Variants in SGCD observed in about 807,000 individuals in gnomAD.
The protein encoded by SGCD is sarcoglycan delta.
SGCD carries 18 observed loss-of-function variants against 36.6 expected under a neutral mutation model. The observed-to-expected ratio is 0.49, with a 90% CI of 0.34 to 0.73. SGCD has a LOEUF of 0.73. Among genes scored for constraint, SGCD ranks in the 30% least tolerant of loss-of-function variants. The pLI is 0.01. For synonymous variants in SGCD, 133 were observed against 130.6 expected (o/e 1.02, Z -0.12); for missense variants, 387 against 346.7 (o/e 1.12, Z -0.92).
chr5:156,020,423 T>C (rs1169514756), intron 1 of SGCD, among the ~76,000 whole-genome samples: 1 of 152,236 alleles, frequency 6.6e-6, no homozygotes. Context: ...GCCTGCTTCA[T>C]ATTTTTAACA....
At chr5:156,167,720 C>G (rs1173230053) in intron 3 of SGCD, among the ~76,000 whole-genome samples, 1 of 152,150 alleles carries the variant, frequency 6.6e-6, no homozygotes, top group Non-Finnish European at 1.5e-5. Context: ...TAAAAGTTAC[C>G]TGAAGCCTCA....
intron 3 of SGCD, among the ~76,000 whole-genome samples, chr5:156,229,817 T>C (rs1425011424): frequency 6.6e-6 from 1 of 152,158 alleles, no homozygotes; most frequent in Non-Finnish European, 1.5e-5. Flanking sequence ...TTTGGTCGTT[T>C]AACATAATCT....
Position 156,605,934 on chromosome 5 carries a change from T to G in SGCD, c.502+10883T>G, listed in dbSNP as rs186226299. ...AAATTTGTTGGAGTTCATTGCAGAT[T>G]CTGGATATTAGCCCTTTGTCAGATG... On this transcript the variant is annotated intron_variant, in intron 6 of 8. Transcript: ENST00000337851. 4.6e-3 allele frequency among the ~76,000 whole-genome samples: 697 copies of G among 152,352 alleles called. 1 individual carries two copies. The highest frequency in any genetic ancestry group is 0.015 in the African/African-American group (642 of 41,570).
chr5:156,190,583 G>T (rs1763866087), intron 3 of SGCD, among the ~76,000 whole-genome samples: 1 of 152,100 alleles, frequency 6.6e-6, no homozygotes, highest in Non-Finnish European at 1.5e-5. Context: ...AATTCCAGGT[G>T]CTTGGCATAC....
At chr5:156,031,681 A>G (rs144837473) in intron 1 of SGCD, among the ~76,000 whole-genome samples, 4 of 152,222 alleles carry the variant, frequency 2.6e-5, no homozygotes, top group East Asian at 1.9e-4. Context: ...TATCAAGTGT[A>G]TGATGTATGT....
At chr5:156,435,089 T>C (rs2127790731) in intron 3 of SGCD, among the ~76,000 whole-genome samples, 1 of 152,362 alleles carries the variant, frequency 6.6e-6, no homozygotes, top group East Asian at 1.9e-4. Context: ...TAACTCATTT[T>C]ATCCCCAGAG....
chr5:156,032,483 C>G (rs980908995), intron 1 of SGCD, among the ~76,000 whole-genome samples: 2 of 151,182 alleles, frequency 1.3e-5, no homozygotes, highest in African/African-American at 4.9e-5. Flanking sequence ...CTTTGGGAGG[C>G]CAGGGCAGGC....
chr5:155,919,652 A>G lies in SGCD; in HGVS notation c.-282+49228A>G, dbSNP rs1341126668. ...TACCTTCTAAAATAGATCATTCATC[A>G]TGGCAATCCATTCAACATCAAGGAC... is the stretch of plus-strand genomic sequence containing the variant. On this transcript the variant is annotated intron_variant, in intron 1 of 9. Coordinates refer to the SGCD transcript ENST00000517913. 5.3e-5 allele frequency among the ~76,000 whole-genome samples: 8 copies of G among 152,326 alleles called. No individual in the cohort carries two copies. In the East Asian group the frequency reaches 1.5e-3, roughly 29 times the overall value.
intron 1 of SGCD, among the ~76,000 whole-genome samples, chr5:155,996,868 GATA>G (rs757034277): frequency 0.038 from 4,058 of 107,732 alleles, 88 homozygotes; most frequent in South Asian, 0.062. Context: ...TGGATGGATA[GATA>G]GATAGATAGA....
At chr5:156,385,983 A>C (rs1771255412) in intron 3 of SGCD, among the ~76,000 whole-genome samples, 1 of 152,234 alleles carries the variant, frequency 6.6e-6, no homozygotes, top group Non-Finnish European at 1.5e-5. Context: ...CATACAGTTA[A>C]AGTCAGAGAG....
At chr5:156,491,685 C>A (rs1338186670) in intron 3 of SGCD, among the ~76,000 whole-genome samples, 2 of 151,904 alleles carry the variant, frequency 1.3e-5, no homozygotes, top group Non-Finnish European at 2.9e-5. Context: ...AGACTACAAA[C>A]CTAACTAGAA....
chr5:156,069,317 G>T (rs1760454816), intron 1 of SGCD, among the ~76,000 whole-genome samples: 1 of 152,000 alleles, frequency 6.6e-6, no homozygotes, highest in South Asian at 2.1e-4. Context: ...GTAGGGAAGG[G>T]ATCCATTTTC....
At chr5:155,900,689 A>T (rs1756370415) in intron 1 of SGCD, among the ~76,000 whole-genome samples, 1 of 151,712 alleles carries the variant, frequency 6.6e-6, no homozygotes, top group Admixed American at 6.6e-5. Context: ...AGATGTTGGA[A>T]ACTGTCCTAG....
intron 3 of SGCD, among the ~76,000 whole-genome samples, chr5:156,495,175 C>T (rs1218630075): frequency 4.6e-5 from 7 of 152,198 alleles, no homozygotes; most frequent in Non-Finnish European, 8.8e-5. Context: ...AGCAAGAGAA[C>T]AGCAATAGAT....
intron 4 of SGCD, among the ~76,000 whole-genome samples, chr5:156,519,066 T>G (rs1757299015): frequency 6.6e-6 from 1 of 151,842 alleles, no homozygotes; most frequent in African/African-American, 2.4e-5. Flanking sequence ...AGGAGCTGGT[T>G]TTTTGAAAAA....
intron 1 of SGCD, among the ~76,000 whole-genome samples, chr5:156,113,115 A>G (rs1052999063): frequency 2.6e-5 from 4 of 152,204 alleles, no homozygotes; most frequent in Non-Finnish European, 5.9e-5. Flanking sequence ...CTATGCGGTG[A>G]GCCCATGCCC....
chr5:155,869,555 A>C (rs150642987), upstream of SGCD, among the ~76,000 whole-genome samples: 1 of 152,290 alleles, frequency 6.6e-6, no homozygotes, highest in African/African-American at 2.4e-5. Flanking sequence ...GTAGTTGTTT[A>C]GAGCCTGGGC....
chr5:156,647,669 C>A, intron 7 of SGCD, 133 bp downstream of exon 7: 2 of 673,658 alleles, frequency 3.0e-6, no homozygotes, highest in East Asian at 2.8e-5. Flanking sequence ...TGGAGAGAAC[C>A]AGAAGATAAG....
chr5:156,221,425 A>G (rs1764712997), intron 3 of SGCD, among the ~76,000 whole-genome samples: 1 of 152,158 alleles, frequency 6.6e-6, no homozygotes, highest in African/African-American at 2.4e-5. Context: ...TAAACAGATA[A>G]GAATTACAAC....
Sources: gnomAD v4.1 joint callset for allele counts (sites outside exome capture counted in the v4.1 genomes callset) on GRCh38, gnomAD v4.1.1 for gene constraint, MANE v1.5 for transcripts, NCBI Gene and HGNC (gene_info 2026-07-23, HGNC 2026-07-21) for gene names.